PDGFB: variants seen among roughly 807,000 people sequenced by gnomAD.
The protein encoded by PDGFB is platelet derived growth factor subunit B, also known as platelet-derived growth factor subunit B.
A neutral mutation model predicts 29.0 loss-of-function variants in PDGFB; 6 were observed. The observed-to-expected ratio is 0.21, with a 90% CI of 0.11 to 0.41. The LOEUF (loss-of-function observed/expected upper bound fraction) is 0.41, where lower values mean the gene tolerates loss of function less well. Ranked by LOEUF, PDGFB falls within the 10% of genes least tolerant of loss-of-function variation. The pLI is 1.00. For synonymous variants in PDGFB, 144 were observed against 140.8 expected (o/e 1.02, Z -0.16); for missense variants, 299 against 341.8 (o/e 0.87, Z 0.99).
At chr22:39,227,807 A>G (rs9607624) in intron 5 of PDGFB, among the ~76,000 whole-genome samples, 56,591 of 152,010 alleles carry the variant, frequency 0.37, 11,074 homozygotes, top group Middle Eastern at 0.49. Context: ...CTCCCAGCCT[A>G]CCGGGATCTG....
At position 39,243,383 on chromosome 22, in the gene PDGFB, G is replaced by A. The variant is rs2146458395; in HGVS notation, c.63+518C>T. The stretch of plus-strand genomic sequence containing the variant: ...GGGCCGGGCATGCCCTGCGCGTGCC[G>A]GAGGGCGTCCACCCGGACCCCGACC... On this transcript the variant is annotated intron_variant, in intron 1 of 6. Transcript: ENST00000331163. The surrounding 1 kb of genome is among the most constrained non-coding windows in gnomAD (Gnocchi z 6.4). Among the ~76,000 whole-genome samples the A allele has an allele frequency of 6.6e-6, 1 of 152,008 alleles. No homozygotes were observed. Among genetic ancestry groups the A allele is most frequent in the Non-Finnish European group, 1.5e-5 (1 of 67,934 alleles).
In PDGFB at chr22:39,233,536, G is replaced by A. The variant is rs753932320; in HGVS notation, c.161-12C>T. On this transcript the variant is annotated splice_polypyrimidine_tract_variant and intron_variant, in intron 2 of 6. Coordinates refer to ENST00000331163, the MANE Select transcript of PDGFB (RefSeq NM_002608.4). ...GGCCCCATCTTCCTCTGCAGGAGAA[G>A]TCACAGTCAGACACCAGGCGGCCCC... The A allele has an allele frequency of 1.3e-6, 2 of 1,574,126 alleles. No individual in the cohort carries two copies. The highest frequency in any genetic ancestry group is 2.4e-5 in the East Asian group (1 of 41,686).
Position 39,235,859 on chromosome 22 carries a change from C to G in PDGFB, c.79G>C (p.Glu27Gln). 6.2e-7 allele frequency: 1 copy of G among 1,613,512 alleles called. No homozygotes were observed. The change falls in exon 2 of 7, where the codon GAG (glutamate) becomes CAG (glutamine). Residue 27 changes from glutamate to glutamine, a missense_variant. Coordinates refer to ENST00000331163, the MANE Select transcript of PDGFB (RefSeq NM_002608.4). ...TCACTCAGCATCTCATAAAGCTCCT[C>G]GGGAATGGGGTCCCCCTGCCGGGCA... ...LVSAEGDPIP[E>Q]ELYEMLSDHS...
chr22:39,230,138 C>A lies in PDGFB; in HGVS notation c.547G>T (p.Val183Leu), dbSNP rs756365862. Reference protein sequence around the residue: ...EDHLACKCETVAAARPVTRSP... With the variant: ...EDHLACKCETLAAARPVTRSP... ...CGGGTCACAGGCCGTGCAGCTGCCA[C>A]TGTCTCACACTTGCATGCCAGGTGG... Residue 183 changes from valine to leucine, a missense_variant, in exon 5 of 7, where the codon GTG becomes TTG. Val to Leu is a conservative substitution (Grantham distance 32). Transcript: ENST00000331163. 41 of 1,613,984 alleles carry A rather than the reference C, an allele frequency of 2.5e-5. No homozygotes were observed. Among genetic ancestry groups the A allele is most frequent in the Non-Finnish European group, 2.5e-6 (3 of 1,180,048 alleles).
chr22:39,236,645 C>T (rs1932449800), intron 1 of PDGFB, among the ~76,000 whole-genome samples: 1 of 152,118 alleles, frequency 6.6e-6, no homozygotes, highest in South Asian at 2.1e-4. Context: ...ACCGCAGGTC[C>T]CACAATGACA....
At position 39,224,035 on chromosome 22, in the gene PDGFB, T is replaced by C. The variant is rs984547190; in HGVS notation, c.*1307A>G. Reference sequence around the variant, plus strand: ...CGGGCAAGAGGGCTGCACCCTCCCTTGGAGACCTTCTCCCAGGTGTCCCAC... The same window carrying C: ...CGGGCAAGAGGGCTGCACCCTCCCTCGGAGACCTTCTCCCAGGTGTCCCAC... On this transcript the variant is annotated 3_prime_UTR_variant, in exon 7 of 7. Transcript: ENST00000331163. 4 of 152,246 alleles carry C rather than the reference T, an allele frequency of 2.6e-5. No homozygotes were observed. Among genetic ancestry groups the C allele is most frequent in the Non-Finnish European group, 5.9e-5 (4 of 68,032 alleles). 9.4% of individuals were successfully genotyped at this position (152,246 alleles called of 1,614,324 possible).
chr22:39,233,849 G>A (rs55823804), intron 2 of PDGFB, among the ~76,000 whole-genome samples: 3,598 of 152,270 alleles, frequency 0.024, 53 homozygotes, highest in South Asian at 0.056. Flanking sequence ...GGGCGGGGCC[G>A]GGACCTAGGG....
Position 39,225,604 on chromosome 22 carries a change from T to C in PDGFB, c.*28+91A>G, listed in dbSNP as rs1385837484. On this transcript the variant is annotated intron_variant, in intron 6 of 6. Coordinates refer to ENST00000331163, the MANE Select transcript of PDGFB (RefSeq NM_002608.4). Reference sequence around the variant, plus strand: ...ACCAAGGCTCAGAGGCTGGATTTTCTATGGAAAAATCCTTTCCCCTGACCC... The same window carrying C: ...ACCAAGGCTCAGAGGCTGGATTTTCCATGGAAAAATCCTTTCCCCTGACCC... The C allele has an allele frequency of 1.6e-5, 21 of 1,286,342 alleles. No homozygotes were observed. In the East Asian group the frequency reaches 4.4e-4, roughly 27 times the overall value. The allele number at this position is 1,286,342 out of a possible 1,614,324, so 79.7% of individuals were successfully genotyped here. A position where few individuals can be genotyped will look rare whatever the true frequency, so the allele number is the denominator to read the frequency against.
chr22:39,236,888 C>T (rs935276310), intron 1 of PDGFB, among the ~76,000 whole-genome samples: 4 of 152,158 alleles, frequency 2.6e-5, no homozygotes, highest in Admixed American at 1.3e-4. Context: ...CACAGGCACT[C>T]GGGCTGCACG....
chr22:39,243,274 T>TCTCTTTC lies in PDGFB; in HGVS notation c.63+626_63+627insGAAAGAG, dbSNP rs1932615384. 6.6e-5 allele frequency among the ~76,000 whole-genome samples: 4 copies of TCTCTTTC among 60,804 alleles called. No individual in the cohort carries two copies. Among genetic ancestry groups the TCTCTTTC allele is most frequent in the African/African-American group, 1.6e-4 (4 of 24,792 alleles). 39.9% of individuals were successfully genotyped at this position (60,804 alleles called of 152,430 possible). On this transcript the variant is annotated intron_variant, in intron 1 of 6. Coordinates refer to ENST00000331163, the MANE Select transcript of PDGFB (RefSeq NM_002608.4). The surrounding 1 kb of genome is among the most constrained non-coding windows in gnomAD (Gnocchi z 6.4). ...TCCGTCTCTCTCTCTCTCTCTCTCT[T>TCTCTTTC]TCTCTCTCTCTCTCTCTCTCTCCCT...
At position 39,223,911 on chromosome 22, in the gene PDGFB, C is replaced by A. The variant is rs9611111; in HGVS notation, c.*1431G>T. 3 of 152,202 alleles carry A rather than the reference C, an allele frequency of 2.0e-5. No homozygotes were observed. The highest frequency in any genetic ancestry group is 4.4e-5 in the Non-Finnish European group (3 of 68,028). The allele number at this position is 152,202 out of a possible 1,614,324, so 9.4% of individuals were successfully genotyped here. A position where few individuals can be genotyped will look rare whatever the true frequency, so the allele number is the denominator to read the frequency against. On this transcript the variant is annotated 3_prime_UTR_variant, in exon 7 of 7. Transcript: ENST00000331163. ...GTCTTGGGGATCTTTTCCCTTCTCT[C>A]CCCCATTCCCAGCCCACGAGCTGGT... is the stretch of plus-strand genomic sequence containing the variant.
rs1345429868 is a variant in PDGFB at position 39,244,907 on chromosome 22, A to G, written c.-944T>C. Among the ~76,000 whole-genome samples the G allele has an allele frequency of 1.3e-5, 2 of 150,596 alleles. No individual in the cohort carries two copies. The highest frequency in any genetic ancestry group is 4.9e-5 in the African/African-American group (2 of 40,826). On this transcript the variant is annotated 5_prime_UTR_variant, in exon 1 of 7. Transcript: ENST00000331163. This position sits in a 1 kb window ranked among gnomAD's most constrained non-coding sequence, Gnocchi z 4.5. ...GCGCTGGCGGCCGGAGGGGAGCCCT[A>G]GGGAGGCAGCGGGGGAGGCTGCGGG...
rs1199599556 is a variant in PDGFB, at chr22:39,242,886, C to T, written c.63+1015G>A. The T allele has an allele frequency of 8.6e-6, 2 of 232,820 alleles. No individual in the cohort carries two copies. Among genetic ancestry groups the T allele is most frequent in the Non-Finnish European group, 1.7e-5 (2 of 117,808 alleles). 14.4% of individuals were successfully genotyped at this position (232,820 alleles called of 1,614,324 possible). On this transcript the variant is annotated intron_variant, in intron 1 of 6. Coordinates refer to ENST00000331163, the MANE Select transcript of PDGFB (RefSeq NM_002608.4). The surrounding 1 kb of genome is among the most constrained non-coding windows in gnomAD (Gnocchi z 5.7). ...GCGCTCCCGGCTGCCCTCTCCTCCC[C>T]TCCACCGCGCGCGTCGTCCTGCCCC...
chr22:39,225,686 G>A lies in PDGFB; in HGVS notation c.*28+9C>T. 1.2e-6 allele frequency: 2 copies of A among 1,600,312 alleles called. No individual in the cohort carries two copies. Among genetic ancestry groups the A allele is most frequent in the Non-Finnish European group, 1.7e-6 (2 of 1,171,022 alleles). On this transcript the variant is annotated intron_variant, in intron 6 of 6. Coordinates refer to ENST00000331163, the MANE Select transcript of PDGFB (RefSeq NM_002608.4). Reference sequence around the variant, plus strand: ...ATTCTGGGCCTCAGTTGCCCCGCCTGGCCCTCACCTGCCCACACACTCTCC... The same window carrying A: ...ATTCTGGGCCTCAGTTGCCCCGCCTAGCCCTCACCTGCCCACACACTCTCC...
rs1601594719 is a variant in PDGFB at position 39,225,924 on chromosome 22, T to C, written c.602-77A>G. The C allele has an allele frequency of 4.7e-6, 7 of 1,504,130 alleles. No homozygotes were observed. The South Asian group carries it at 7.8e-5, about 17-fold the overall frequency. The allele number at this position is 1,504,130 out of a possible 1,614,324, so 93.2% of individuals were successfully genotyped here. ...TCTCCCCACTGACCAAGGCCTGCCA[T>C]GGACCTTCTGGGCTCAGGAAAGGGA... On this transcript the variant is annotated intron_variant, in intron 5 of 6. Transcript: ENST00000331163.
In PDGFB at chr22:39,231,735, T is replaced by C; in HGVS notation, c.343A>G (p.Asn115Asp). 6.2e-7 allele frequency: 1 copy of C among 1,612,746 alleles called. No homozygotes were observed. The highest frequency in any genetic ancestry group is 8.5e-7 in the Non-Finnish European group (1 of 1,179,598). Residue 115 changes from asparagine (N) to aspartate (D), a missense_variant, in exon 4 of 7, where the codon AAC (asparagine) becomes GAC (aspartate). By Grantham distance (23) the Asn-to-Asp change is conservative. Coordinates refer to ENST00000331163, the MANE Select transcript of PDGFB (RefSeq NM_002608.4). The surrounding 1 kb of genome is among the most constrained non-coding windows in gnomAD (Gnocchi z 4.3). Reference sequence around the variant, plus strand: ...GGCGGCCACACCAGGAAGTTGGCGTTGGTGCGGTCTATGAGGCGCCGGGAG... The same window carrying C: ...GGCGGCCACACCAGGAAGTTGGCGTCGGTGCGGTCTATGAGGCGCCGGGAG... Reference protein sequence around the residue: ...EISRRLIDRTNANFLVWPPCV... With the variant: ...EISRRLIDRTDANFLVWPPCV...
rs1932620948 is a variant in PDGFB, at chr22:39,243,510, AGCCGAG to A, written c.63+385_63+390del. On this transcript the variant is annotated intron_variant, in intron 1 of 6. Transcript: ENST00000331163. The surrounding 1 kb of genome is among the most constrained non-coding windows in gnomAD (Gnocchi z 6.4). Reference sequence around the variant, plus strand: ...CAAGCCGATGGCAGGACAGAGCCTAAGCCGAGGCTGGCGCCGAAGTGGGCTCGGGAG... The same window carrying A: ...CAAGCCGATGGCAGGACAGAGCCTAAGCTGGCGCCGAAGTGGGCTCGGGAG... 6.6e-6 allele frequency among the ~76,000 whole-genome samples: 1 copy of A among 152,138 alleles called. No homozygotes were observed. The highest frequency in any genetic ancestry group is 1.5e-5 in the Non-Finnish European group (1 of 68,008).
chr22:39,230,049 A>AGGGGGCT, intron 5 of PDGFB, 35 bp downstream of exon 5: 1 of 1,605,766 alleles, frequency 6.2e-7, no homozygotes, highest in Non-Finnish European at 8.5e-7. Context: ...CTGCAGGGGA[A>AGGGGGCT]GGGGGCTGAG....
chr22:39,228,893 A>AAAAAAAAAAAAAAAATAT (rs1184799325), intron 5 of PDGFB, among the ~76,000 whole-genome samples: 4 of 132,520 alleles, frequency 3.0e-5, no homozygotes, highest in Non-Finnish European at 5.0e-5. Context: ...CCTCAAAAAA[A>AAAAAAAAAAAAAAAATAT]ATATATATAT....
Sources: gnomAD v4.1 joint callset for allele counts (sites outside exome capture counted in the v4.1 genomes callset) on GRCh38, gnomAD v4.1.1 for gene constraint, Gnocchi (gnomAD v3.1) non-coding constraint, MANE v1.5 for transcripts, NCBI Gene and HGNC (gene_info 2026-07-23, HGNC 2026-07-21) for gene names.